POLR1A: variants seen among roughly 807,000 people sequenced by gnomAD.
The protein encoded by POLR1A is DNA-directed RNA polymerase I subunit RPA1.
In POLR1A, 84 loss-of-function variants were observed where a neutral mutation model predicts 205.3. The ratio of observed to expected loss-of-function variants is 0.41; its 90% confidence interval spans 0.34 to 0.49. POLR1A has a LOEUF of 0.49. Ranked by LOEUF, POLR1A falls within the 20% of genes least tolerant of loss-of-function variation. The probability of loss-of-function intolerance (pLI) is 0.22; values close to 1 mark genes in which losing one functional copy is unlikely to be tolerated. For missense variants in POLR1A, 1,645 were observed against 2,204.5 expected, an observed-to-expected ratio of 0.75 and a Z score of 5.08; for synonymous variants, 799 against 863.7, an observed-to-expected ratio of 0.93 and a Z score of 1.31.
intron 12 of POLR1A, among the ~76,000 whole-genome samples, chr2:86,071,440 G>A (rs1243713075): frequency 6.6e-6 from 1 of 152,136 alleles, no homozygotes; most frequent in Admixed American, 6.6e-5. Flanking sequence ...ACAGGCATGA[G>A]TCACCACACT....
intron 14 of POLR1A, among the ~76,000 whole-genome samples, chr2:86,055,698 A>G (rs1178246941): frequency 6.6e-6 from 1 of 152,198 alleles, no homozygotes; most frequent in Non-Finnish European, 1.5e-5. Context: ...TCATCTGTAA[A>G]ATCAATGGGG....
At chr2:86,078,414 C>T in intron 9 of POLR1A, 130 bp from the exon 10 acceptor site, 1 of 639,178 alleles carries the variant, frequency 1.6e-6, no homozygotes, top group Admixed American at 3.3e-5. Context: ...CTGAACCTGA[C>T]AGATCAGAGA....
At chr2:86,082,981 C>CG (rs1189441184) in intron 7 of POLR1A, 101 bp downstream of exon 7, 10 of 869,374 alleles carry the variant, frequency 1.2e-5, no homozygotes, top group Non-Finnish European at 1.7e-5. Flanking sequence ...GAGGAAGCTA[C>CG]AATCACTACA....
chr2:86,044,187 T>C lies in POLR1A; in HGVS notation c.3087A>G (p.Thr1029=), dbSNP rs1255242331. 1.2e-6 allele frequency: 2 copies of C among 1,614,080 alleles called. No individual in the cohort carries two copies. Among genetic ancestry groups the C allele is most frequent in the African/African-American group, 2.7e-5 (2 of 74,926 alleles). Residue 1029 remains threonine, a synonymous_variant, in exon 22 of 34, where the codon ACA becomes ACG. Transcript: ENST00000263857. The part of the protein sequence containing the change: ...YGEDGLDIPK[T]QFLQPKQFPF... Reference sequence around the variant, plus strand: ...GGAACTGCTTGGGCTGCAGGAACTGTGTCTTGGGGATGTCCAGGCCATCCT... The same window carrying C: ...GGAACTGCTTGGGCTGCAGGAACTGCGTCTTGGGGATGTCCAGGCCATCCT...
Position 86,028,581 on chromosome 2 carries a change from A to G in POLR1A, c.4897+13T>C, listed in dbSNP as rs1424574592. The G allele has an allele frequency of 4.4e-6, 7 of 1,598,628 alleles. No individual in the cohort carries two copies. On this transcript the variant is annotated intron_variant, in intron 32 of 33. Coordinates refer to ENST00000263857, the MANE Select transcript of POLR1A (RefSeq NM_015425.6). This position sits in a 1 kb window ranked among gnomAD's most constrained non-coding sequence, Gnocchi z 4.5. ...GCCCAGACCTCGGGGTGTTATCTGC[A>G]AGCTCCCCTTACCATACACGGCAAA...
chr2:86,037,229 G>A (rs1440741179), intron 27 of POLR1A, among the ~76,000 whole-genome samples: 1 of 152,266 alleles, frequency 6.6e-6, no homozygotes, highest in Non-Finnish European at 1.5e-5. Flanking sequence ...AGGACCACTC[G>A]ACAGAAGGAA....
chr2:86,038,733 C>A lies in POLR1A; in HGVS notation c.4001G>T (p.Arg1334Ile), dbSNP rs556805112. The A allele has an allele frequency of 6.2e-7, 1 of 1,614,006 alleles. No homozygotes were observed. The highest frequency in any genetic ancestry group is 8.5e-7 in the Non-Finnish European group (1 of 1,179,992). ...HAYYQQEKCL[R>I]PEDILRFMET... ...CATGAAGCGCAGGATGTCCTCGGGT[C>A]TCAGGCACTTCTCCTGCTGGTAATA... is the stretch of plus-strand genomic sequence containing the variant. The change falls in exon 27 of 34, where the codon AGA (arginine) becomes ATA (isoleucine). Residue 1334 changes from arginine (R) to isoleucine (I), a missense_variant. This residue lies in a region of POLR1A where 394 missense variants were observed against 468.5 expected (regional missense o/e 0.84). Coordinates refer to ENST00000263857, the MANE Select transcript of POLR1A (RefSeq NM_015425.6).
At chr2:86,079,242 T>C (rs1173206289) in intron 9 of POLR1A, among the ~76,000 whole-genome samples, 5 of 152,240 alleles carry the variant, frequency 3.3e-5, no homozygotes, top group Admixed American at 2.0e-4. Flanking sequence ...CAGGGTCCCC[T>C]TCTGGCTGGA....
chr2:86,065,177 T>C (rs780977273), intron 14 of POLR1A, 97 bp downstream of exon 14: 67 of 1,117,938 alleles, frequency 6.0e-5, no homozygotes, highest in Non-Finnish European at 8.6e-5. Flanking sequence ...CTTAGCCATT[T>C]CTCTGTCTCT....
Position 86,047,253 on chromosome 2 carries a change from GGCAT to G in POLR1A, c.2641_2644del (p.Met881LeufsTer15). On this transcript the variant is annotated frameshift_variant, in exon 19 of 34. Coordinates refer to ENST00000263857, the MANE Select transcript of POLR1A (RefSeq NM_015425.6). LOFTEE classifies it high-confidence loss of function. ...TGGGAACTGTCTGTGTAGGCCAAAA[GGCAT>G]GCATGCCTGCAGATTAAATCAGCAC... 6.2e-7 allele frequency: 1 copy of G among 1,612,414 alleles called. No individual in the cohort carries two copies. The highest frequency in any genetic ancestry group is 8.5e-7 in the Non-Finnish European group (1 of 1,178,562).
chr2:86,102,432 A>C lies in POLR1A; in HGVS notation c.78-2260T>G, dbSNP rs1250637739. ...CCATCTGTATGTCTTCTTTGGAAAAATGTCTGTTTAAGTCCTTTGTCCATT... is the reference window on the plus strand; with the variant it reads ...CCATCTGTATGTCTTCTTTGGAAAACTGTCTGTTTAAGTCCTTTGTCCATT... On this transcript the variant is annotated intron_variant, in intron 1 of 33. Transcript: ENST00000263857. 3.3e-5 allele frequency among the ~76,000 whole-genome samples: 5 copies of C among 152,200 alleles called. No individual in the cohort carries two copies. The East Asian group carries it at 9.6e-4, about 29-fold the overall frequency.
At chr2:86,077,333 G>A (rs1673304990) in intron 11 of POLR1A, among the ~76,000 whole-genome samples, 1 of 152,166 alleles carries the variant, frequency 6.6e-6, no homozygotes, top group Non-Finnish European at 1.5e-5. Context: ...GCAAGCTGCT[G>A]ACCCTGAGAA....
intron 14 of POLR1A, among the ~76,000 whole-genome samples, chr2:86,063,359 A>G (rs1357538467): frequency 4.2e-4 from 63 of 149,614 alleles, no homozygotes; most frequent in African/African-American, 1.4e-3. Context: ...AAAAAAAAAA[A>G]AAAGAAAGAA....
At chr2:86,044,020 C>T in intron 22 of POLR1A, 119 bp downstream of exon 22, 1 of 881,230 alleles carries the variant, frequency 1.1e-6, no homozygotes, top group Non-Finnish European at 1.8e-6. Flanking sequence ...AAACCCTTCC[C>T]ACTCTACTTT....
intron 4 of POLR1A, among the ~76,000 whole-genome samples, chr2:86,089,136 T>A (rs1002891569): frequency 6.6e-6 from 1 of 152,212 alleles, no homozygotes; most frequent in African/African-American, 2.4e-5. Flanking sequence ...CAAAGAATCA[T>A]GAATGCAGTG....
Position 86,020,728 on chromosome 2 carries a change from T to C in POLR1A, c.*6695A>G, listed in dbSNP as rs1321737353. On this transcript the variant is annotated 3_prime_UTR_variant, in exon 34 of 34. Coordinates refer to ENST00000263857, the MANE Select transcript of POLR1A (RefSeq NM_015425.6). ...GGACAATTCTTTGCTGTGGAGACTGTCCTGTGGACTGTAGTTTAGCAGCAT... is the reference window on the plus strand; with the variant it reads ...GGACAATTCTTTGCTGTGGAGACTGCCCTGTGGACTGTAGTTTAGCAGCAT... The C allele has an allele frequency of 6.6e-6, 1 of 152,188 alleles. No homozygotes were observed. Among genetic ancestry groups the C allele is most frequent in the Non-Finnish European group, 1.5e-5 (1 of 68,038 alleles). 9.4% of individuals were successfully genotyped at this position (152,188 alleles called of 1,614,324 possible). A position where few individuals can be genotyped will look rare whatever the true frequency, so the allele number is the denominator to read the frequency against.
chr2:86,081,405 A>G lies in POLR1A; in HGVS notation c.923+196T>C, dbSNP rs370006120. Among the ~76,000 whole-genome samples the G allele has an allele frequency of 3.3e-5, 5 of 152,136 alleles. No individual in the cohort carries two copies. In the East Asian group the frequency reaches 7.7e-4, roughly 23 times the overall value. On this transcript the variant is annotated intron_variant, in intron 8 of 33. Coordinates refer to ENST00000263857, the MANE Select transcript of POLR1A (RefSeq NM_015425.6). ...TGCAAGACTCCACTTCAAAACAAACAAACAAAAACAACCAACATTCCTATT... is the reference window on the plus strand; with the variant it reads ...TGCAAGACTCCACTTCAAAACAAACGAACAAAAACAACCAACATTCCTATT...
intron 14 of POLR1A, among the ~76,000 whole-genome samples, chr2:86,057,655 A>C (rs1440190884): frequency 6.6e-6 from 1 of 152,242 alleles, no homozygotes; most frequent in East Asian, 1.9e-4. Flanking sequence ...ACATACTAAA[A>C]AATGGATGGA....
chr2:86,095,789 G>A (rs1264745375), intron 3 of POLR1A, among the ~76,000 whole-genome samples: 2 of 150,960 alleles, frequency 1.3e-5, no homozygotes, highest in Non-Finnish European at 2.9e-5. Context: ...GTGCAGTGGC[G>A]CGATCTTGGC....
Sources: allele counts gnomAD v4.1 joint callset (sites outside exome capture counted in the v4.1 genomes callset), GRCh38; gene constraint gnomAD v4.1.1; regional missense constraint gnomAD v4.1.1; non-coding constraint Gnocchi (gnomAD v3.1); transcripts MANE v1.5; gene names NCBI Gene and HGNC (gene_info 2026-07-23, HGNC 2026-07-21).